Variants in PLB1 observed in about 807,000 individuals in gnomAD.
The protein encoded by PLB1 is phospholipase B1.
PLB1 carries 242 observed loss-of-function variants against 227.4 expected under a neutral mutation model. The observed-to-expected ratio is 1.06, with a 90% confidence interval of 0.96 to 1.18. PLB1 has a LOEUF of 1.18. PLB1 is among the 50% of genes most tolerant of loss of function. The probability of loss-of-function intolerance (pLI) is 0.00; values close to 1 mark genes in which losing one functional copy is unlikely to be tolerated. For missense variants in PLB1, 1,858 were observed against 1,816.3 expected, an observed-to-expected ratio of 1.02 and a Z score of -0.42; for synonymous variants, 757 against 682.2, an observed-to-expected ratio of 1.11 and a Z score of -1.71.
Position 28,499,115 on chromosome 2 carries a change from G to A in PLB1, c.55+2946G>A, listed in dbSNP as rs980761286. The stretch of plus-strand genomic sequence containing the variant: ...TTAAAATTTTTATTTTGAAATGTTT[G>A]TTATTGATATATAGAAATAAAGTGA... On this transcript the variant is annotated intron_variant, in intron 1 of 57. Transcript: ENST00000327757. Among the ~76,000 whole-genome samples the A allele has an allele frequency of 3.3e-5, 5 of 151,834 alleles. 1 individual carries two copies. Among genetic ancestry groups the A allele is most frequent in the African/African-American group, 1.2e-4 (5 of 41,330 alleles).
At chr2:28,526,928 G>C (rs893547606) in intron 6 of PLB1, among the ~76,000 whole-genome samples, 12 of 152,182 alleles carry the variant, frequency 7.9e-5, no homozygotes, top group African/African-American at 2.9e-4. Flanking sequence ...TCCTGGATCT[G>C]ATTGACAGGT....
chr2:28,553,394 T>C (rs933101500), intron 17 of PLB1, among the ~76,000 whole-genome samples: 1 of 152,200 alleles, frequency 6.6e-6, no homozygotes, highest in Non-Finnish European at 1.5e-5. Context: ...CAGAATGCAC[T>C]AAAACACCAC....
At chr2:28,553,435 C>T (rs996575057) in intron 17 of PLB1, among the ~76,000 whole-genome samples, 7 of 152,320 alleles carry the variant, frequency 4.6e-5, no homozygotes, top group African/African-American at 7.2e-5. Flanking sequence ...ATCTTATGAA[C>T]GCGCCATCTT....
intron 4 of PLB1, among the ~76,000 whole-genome samples, chr2:28,524,745 G>A (rs888592256): frequency 6.6e-6 from 1 of 151,854 alleles, no homozygotes; most frequent in South Asian, 2.1e-4. Context: ...ACCTTCCATC[G>A]CTCCAAGGTC....
chr2:28,565,448 G>T (rs191040834), intron 19 of PLB1, 95 bp downstream of exon 19: 108 of 1,146,002 alleles, frequency 9.4e-5, no homozygotes, highest in South Asian at 7.5e-4. Context: ...TAAGCAGAAG[G>T]GTGGGCCATT....
intron 23 of PLB1, among the ~76,000 whole-genome samples, chr2:28,581,510 TAAATAAA>T: frequency 7.3e-6 from 1 of 136,890 alleles, no homozygotes; most frequent in East Asian, 2.0e-4. Context: ...AATAAATAAA[TAAATAAA>T]TAAATAAATA....
At chr2:28,629,247 C>T in intron 53 of PLB1, 62 bp downstream of exon 53, 1 of 1,505,092 alleles carries the variant, frequency 6.6e-7, no homozygotes, top group Non-Finnish European at 9.1e-7. Flanking sequence ...CTTGCAGGTG[C>T]CAAAGGAGGA....
chr2:28,622,983 A>G (rs1397934105), intron 49 of PLB1, among the ~76,000 whole-genome samples: 1 of 152,248 alleles, frequency 6.6e-6, no homozygotes, highest in East Asian at 1.9e-4. Context: ...TAAGGAGGCT[A>G]AACAAATGGG....
chr2:28,517,833 G>T (rs539527507), intron 2 of PLB1, among the ~76,000 whole-genome samples: 1 of 150,076 alleles, frequency 6.7e-6, no homozygotes, highest in South Asian at 2.1e-4. Flanking sequence ...TTACATTACT[G>T]TGCAACCATC....
At chr2:28,630,425 T>C (rs1003244541) in intron 53 of PLB1, among the ~76,000 whole-genome samples, 161 bp from the exon 54 acceptor site, 1 of 152,102 alleles carries the variant, frequency 6.6e-6, no homozygotes, top group African/African-American at 2.4e-5. Flanking sequence ...GCCAAAGGTG[T>C]ATTGTGGGGA....
chr2:28,532,776 G>T (rs554493406), intron 9 of PLB1, among the ~76,000 whole-genome samples: 46 of 152,340 alleles, frequency 3.0e-4, no homozygotes, highest in Non-Finnish European at 5.9e-4. Flanking sequence ...TCTATTTGTG[G>T]TGGGAAAGCT....
At chr2:28,609,912 C>A (rs549264706) in intron 43 of PLB1, among the ~76,000 whole-genome samples, 2 of 152,088 alleles carry the variant, frequency 1.3e-5, no homozygotes, top group African/African-American at 4.8e-5. Flanking sequence ...TCACTTTGTA[C>A]GTTAAAGGCT....
At chr2:28,542,546 A>G (rs1672659537) in intron 13 of PLB1, among the ~76,000 whole-genome samples, 1 of 152,060 alleles carries the variant, frequency 6.6e-6, no homozygotes, top group Non-Finnish European at 1.5e-5. Flanking sequence ...GTGCTGGGGA[A>G]GTGCTCGCAC....
rs1275374242 is a variant in PLB1, at chr2:28,600,831, ACT to A, written c.2500_2501del (p.Leu834AspfsTer7). On this transcript the variant is annotated frameshift_variant, in exon 36 of 58. Coordinates refer to ENST00000327757, the MANE Select transcript of PLB1 (RefSeq NM_153021.5). LOFTEE classifies it high-confidence loss of function. ...KAEDLMSQVQ[T>X]LMQKMKDDHR... ...CAGGGATCTTATGAGCCAAGTCCAA[ACT>A]CTGATGCAGAAGATGAAAGATGATC... The A allele has an allele frequency of 1.2e-6, 2 of 1,613,116 alleles. No homozygotes were observed. The highest frequency in any genetic ancestry group is 8.5e-7 in the Non-Finnish European group (1 of 1,179,136).
chr2:28,590,305 CAT>C (rs1487174417), intron 29 of PLB1, among the ~76,000 whole-genome samples: 1 of 152,148 alleles, frequency 6.6e-6, no homozygotes, highest in Non-Finnish European at 1.5e-5. Context: ...AGCCCTCACA[CAT>C]GTCTGGGGTG....
Position 28,589,751 on chromosome 2 carries a change from G to T in PLB1, c.1997G>T (p.Ser666Ile), listed in dbSNP as rs750361959. The T allele has an allele frequency of 4.3e-6, 7 of 1,613,794 alleles. No homozygotes were observed. The South Asian group carries it at 6.6e-5, about 15-fold the overall frequency. ...AGCAAGTCTCACTCCCGAGCAGCCA[G>T]TGCTCTCTGGAACAATATGGTAAGT... ...FSSKSHSRAA[S>I]ALWNNMLEPV... The change falls in exon 28 of 58, where the codon AGT becomes ATT. Residue 666 changes from serine (S) to isoleucine (I), a missense_variant. By Grantham distance (142) the Ser-to-Ile change is moderately radical. Coordinates refer to ENST00000327757, the MANE Select transcript of PLB1 (RefSeq NM_153021.5).
chr2:28,538,903 T>C (rs986879010), intron 10 of PLB1, among the ~76,000 whole-genome samples, 196 bp from the exon 11 acceptor site: 1 of 152,040 alleles, frequency 6.6e-6, no homozygotes, highest in Admixed American at 6.5e-5. Flanking sequence ...GTCCTGTTTC[T>C]GGATGGCACA....
rs867893131 is a variant in PLB1 at position 28,636,039 on chromosome 2, G to A, written c.4098+3000G>A. ...TATGAATGTGTGTGTATGTGTGTGTGTGTATGTATGTGTATGTGTGTATGT... is the reference window on the plus strand; with the variant it reads ...TATGAATGTGTGTGTATGTGTGTGTATGTATGTATGTGTATGTGTGTATGT... On this transcript the variant is annotated intron_variant, in intron 56 of 57. Coordinates refer to ENST00000327757, the MANE Select transcript of PLB1 (RefSeq NM_153021.5). 3.4e-3 allele frequency among the ~76,000 whole-genome samples: 311 copies of A among 91,336 alleles called. 1 individual carries two copies. The highest frequency in any genetic ancestry group is 9.6e-3 in the Admixed American group (94 of 9,824). 59.9% of individuals were successfully genotyped at this position (91,336 alleles called of 152,430 possible).
chr2:28,585,344 C>T (rs891984296), intron 25 of PLB1, among the ~76,000 whole-genome samples: 4 of 151,842 alleles, frequency 2.6e-5, no homozygotes, highest in East Asian at 1.9e-4. Flanking sequence ...GGCACAATCT[C>T]GGCTCACTGC....
Sources: allele counts gnomAD v4.1 joint callset (sites outside exome capture counted in the v4.1 genomes callset), GRCh38; gene constraint gnomAD v4.1.1; transcripts MANE v1.5; gene names NCBI Gene and HGNC (gene_info 2026-07-23, HGNC 2026-07-21).